AGBL3: variants seen among roughly 807,000 people sequenced by gnomAD.
AGBL3 encodes cytosolic carboxypeptidase 3.
Under a neutral mutation model 94.5 loss-of-function variants are expected in AGBL3, and 68 were observed. That is an observed-to-expected ratio of 0.72 (90% CI 0.59 to 0.88). AGBL3 has a LOEUF of 0.88. Ranked by LOEUF, AGBL3 falls within the 40% of genes least tolerant of loss-of-function variation. The pLI is 0.00. For missense variants in AGBL3, 934 were observed against 1,103.8 expected, an observed-to-expected ratio of 0.85 and a Z score of 2.18; for synonymous variants, 354 against 370.7, an observed-to-expected ratio of 0.95 and a Z score of 0.52.
chr7:135,096,145 C>G (rs1822642906), intron 15 of AGBL3, among the ~76,000 whole-genome samples: 1 of 116,896 alleles, frequency 8.6e-6, no homozygotes, highest in Non-Finnish European at 1.9e-5. Flanking sequence ...GAGACAGACT[C>G]TCTCTCAAAA....
At chr7:135,092,015 G>A (rs1286722450) in intron 15 of AGBL3, among the ~76,000 whole-genome samples, 1 of 152,190 alleles carries the variant, frequency 6.6e-6, no homozygotes, top group Non-Finnish European at 1.5e-5. Context: ...TAACTGAGAA[G>A]TTAGGCATTT....
intron 4 of AGBL3, among the ~76,000 whole-genome samples, chr7:134,993,902 C>A (rs916453344): frequency 2.0e-5 from 3 of 152,250 alleles, no homozygotes; most frequent in African/African-American, 7.2e-5. Context: ...CCAAATATAT[C>A]CAGAATATTT....
At chr7:135,086,493 C>A (rs1368041864) in intron 15 of AGBL3, among the ~76,000 whole-genome samples, 1 of 151,890 alleles carries the variant, frequency 6.6e-6, no homozygotes, top group Non-Finnish European at 1.5e-5. Context: ...ACATTCCTTC[C>A]ATACCTTATT....
At chr7:135,064,627 G>A (rs543881645) in intron 12 of AGBL3, among the ~76,000 whole-genome samples, 2 of 152,336 alleles carry the variant, frequency 1.3e-5, no homozygotes, top group South Asian at 2.1e-4. Flanking sequence ...AGAATTTGCT[G>A]ATGACATGTT....
chr7:134,988,690 T>G (rs1312129773), intron 2 of AGBL3, among the ~76,000 whole-genome samples: 1 of 151,884 alleles, frequency 6.6e-6, no homozygotes, highest in Non-Finnish European at 1.5e-5. Context: ...CAAGCTGGAG[T>G]GCAATGGCGC....
intron 9 of AGBL3, among the ~76,000 whole-genome samples, chr7:135,044,600 C>A (rs1019154873): frequency 6.6e-6 from 1 of 152,026 alleles, no homozygotes; most frequent in African/African-American, 2.4e-5. Context: ...GCTAGCATAT[C>A]CTAACATGGT....
At chr7:135,056,059 T>C (rs1818323631) in intron 11 of AGBL3, among the ~76,000 whole-genome samples, 2 of 152,162 alleles carry the variant, frequency 1.3e-5, no homozygotes, top group Non-Finnish European at 2.9e-5. Context: ...ACACAGTTGT[T>C]AGTATCCCTT....
intron 4 of AGBL3, among the ~76,000 whole-genome samples, chr7:135,002,230 C>A (rs1296305290): frequency 1.3e-5 from 2 of 152,120 alleles, no homozygotes; most frequent in African/African-American, 2.4e-5. Context: ...TGGCTTGTTA[C>A]AGTGAAATGA....
intron 16 of AGBL3, among the ~76,000 whole-genome samples, chr7:135,117,617 A>C (rs891227575): frequency 6.6e-6 from 1 of 152,274 alleles, no homozygotes; most frequent in Admixed American, 6.5e-5. Context: ...GAAGGTAGCC[A>C]TAAAGAACTA....
chr7:135,102,979 A>G (rs1397139647), intron 15 of AGBL3, among the ~76,000 whole-genome samples: 1 of 152,202 alleles, frequency 6.6e-6, no homozygotes, highest in East Asian at 1.9e-4. Flanking sequence ...ATTAAAATGC[A>G]TGGGACATAT....
At chr7:135,057,554 G>T (rs563291496) in intron 11 of AGBL3, among the ~76,000 whole-genome samples, 37 of 152,288 alleles carry the variant, frequency 2.4e-4, no homozygotes, top group African/African-American at 7.7e-4. Flanking sequence ...CAGTGAGGAT[G>T]AGGAGCAACA....
chr7:135,110,883 A>G (rs1215577890), intron 15 of AGBL3, among the ~76,000 whole-genome samples: 1 of 152,134 alleles, frequency 6.6e-6, no homozygotes, highest in Non-Finnish European at 1.5e-5. Flanking sequence ...GAATCTAACT[A>G]TCCATCTCTG....
intron 15 of AGBL3, among the ~76,000 whole-genome samples, chr7:135,108,676 G>A (rs1187759177): frequency 1.3e-5 from 2 of 152,024 alleles, no homozygotes; most frequent in Admixed American, 6.5e-5. Context: ...TGTGTCTTGG[G>A]AATGATCTTC....
chr7:135,080,408 C>A, intron 14 of AGBL3, 148 bp downstream of exon 14: 1 of 615,306 alleles, frequency 1.6e-6, no homozygotes. Context: ...AGGACCTCAT[C>A]CTTTAATCAG....
chr7:135,040,421 C>T (rs1476202975), intron 8 of AGBL3, among the ~76,000 whole-genome samples: 1 of 152,036 alleles, frequency 6.6e-6, no homozygotes, highest in African/African-American at 2.4e-5. Flanking sequence ...GAGTAATAGA[C>T]CATGACCAGA....
intron 8 of AGBL3, among the ~76,000 whole-genome samples, chr7:135,039,428 G>T (rs188401573): frequency 6.6e-6 from 1 of 151,574 alleles, no homozygotes; most frequent in Non-Finnish European, 1.5e-5. Flanking sequence ...TGTATAGCAA[G>T]AAATGCTTAT....
At chr7:135,106,271 A>G (rs1824702683) in intron 15 of AGBL3, among the ~76,000 whole-genome samples, 1 of 152,168 alleles carries the variant, frequency 6.6e-6, no homozygotes, top group African/African-American at 2.4e-5. Flanking sequence ...TATGTTGAAT[A>G]GAAAGGTGAG....
At position 134,999,030 on chromosome 7, in the gene AGBL3, CA is replaced by C. The variant is rs142101884; in HGVS notation, c.310+5362del. Among the ~76,000 whole-genome samples the C allele has an allele frequency of 1.2e-4, 17 of 146,912 alleles. 1 individual carries two copies. Among genetic ancestry groups the C allele is most frequent in the Admixed American group, 4.1e-4 (6 of 14,814 alleles). On this transcript the variant is annotated intron_variant, in intron 4 of 16. Coordinates refer to ENST00000436302, the MANE Select transcript of AGBL3 (RefSeq NM_178563.4). Reference sequence around the variant, plus strand: ...TGCCTTTATCACCCCCTATTTTAGACAAAAAAAAAAGTTTCAATTACCTTTT... The same window carrying C: ...TGCCTTTATCACCCCCTATTTTAGACAAAAAAAAAGTTTCAATTACCTTTT...
intron 15 of AGBL3, among the ~76,000 whole-genome samples, chr7:135,108,251 T>C (rs1825065256): frequency 6.6e-6 from 1 of 152,196 alleles, no homozygotes; most frequent in South Asian, 2.1e-4. Context: ...TTTGATCCTG[T>C]CATTGTGTTG....
Sources: gnomAD v4.1 joint callset for allele counts (sites outside exome capture counted in the v4.1 genomes callset) on GRCh38, gnomAD v4.1.1 for gene constraint, MANE v1.5 for transcripts, NCBI Gene and HGNC (gene_info 2026-07-23, HGNC 2026-07-21) for gene names.